BMP5: variants seen among roughly 807,000 people sequenced by gnomAD.
BMP5 encodes bone morphogenetic protein 5.
In BMP5, 23 loss-of-function variants were observed where a neutral mutation model predicts 46.6. The observed-to-expected ratio is 0.49, with a 90% CI of 0.35 to 0.70. The LOEUF (loss-of-function observed/expected upper bound fraction) is 0.70, where lower values mean the gene tolerates loss of function less well. BMP5 is among the 30% of genes least tolerant of loss of function. BMP5 has a pLI of 0.00. For missense variants in BMP5, 545 were observed against 565.6 expected (o/e 0.96, Z 0.37); for synonymous variants, 204 against 191.9 (o/e 1.06, Z -0.52).
intron 1 of BMP5, among the ~76,000 whole-genome samples, chr6:55,832,329 C>T (rs1188029509): frequency 2.6e-5 from 4 of 152,184 alleles, no homozygotes. Flanking sequence ...CACCTCCCCT[C>T]ACCATGTTTC....
intron 2 of BMP5, among the ~76,000 whole-genome samples, chr6:55,812,964 T>C (rs1239934677): frequency 6.6e-6 from 1 of 152,108 alleles, no homozygotes; most frequent in Non-Finnish European, 1.5e-5. Context: ...TTCCAAAAAA[T>C]ATTTACTCTT....
At chr6:55,764,381 G>A (rs1774865606) in intron 4 of BMP5, among the ~76,000 whole-genome samples, 1 of 152,174 alleles carries the variant, frequency 6.6e-6, no homozygotes, top group South Asian at 2.1e-4. Flanking sequence ...ACACCATTCT[G>A]GCTAACACGG....
intron 1 of BMP5, among the ~76,000 whole-genome samples, chr6:55,859,840 A>G (rs1264674586): frequency 1.3e-5 from 2 of 152,254 alleles, no homozygotes; most frequent in East Asian, 1.9e-4. Context: ...TGTAACTTAT[A>G]TCCTCCTTGC....
In BMP5 at chr6:55,852,016, C is replaced by G. The variant is rs530052832; in HGVS notation, c.490+22360G>C. On this transcript the variant is annotated intron_variant, in intron 1 of 6. Transcript: ENST00000370830. Reference sequence around the variant, plus strand: ...AGCCCAAATTTTCATGCCTCCTATTCTATCCCCCCAAAGTATTGTTTTTAT... The same window carrying G: ...AGCCCAAATTTTCATGCCTCCTATTGTATCCCCCCAAAGTATTGTTTTTAT... Among the ~76,000 whole-genome samples the G allele has an allele frequency of 5.3e-5, 8 of 152,222 alleles. No individual in the cohort carries two copies. The South Asian group carries it at 1.0e-3, about 20-fold the overall frequency.
At chr6:55,863,093 G>T (rs1358826049) in intron 1 of BMP5, among the ~76,000 whole-genome samples, 1 of 152,090 alleles carries the variant, frequency 6.6e-6, no homozygotes, top group African/African-American at 2.4e-5. Context: ...ACAGTGTCTG[G>T]CCCAATAGTA....
chr6:55,774,022 A>G (rs1775108313), intron 4 of BMP5, 27 bp downstream of exon 4: 1 of 1,609,452 alleles, frequency 6.2e-7, no homozygotes. Context: ...CTCTCTGTGC[A>G]TAACTGCTGC....
chr6:55,812,871 A>C (rs911344146), intron 2 of BMP5, among the ~76,000 whole-genome samples: 1 of 152,206 alleles, frequency 6.6e-6, no homozygotes, highest in Non-Finnish European at 1.5e-5. Context: ...AACTGTGATC[A>C]TGTGATATGT....
chr6:55,778,395 A>G (rs1213939623), intron 3 of BMP5, among the ~76,000 whole-genome samples: 1 of 152,030 alleles, frequency 6.6e-6, no homozygotes, highest in East Asian at 1.9e-4. Context: ...GGTGGCAGTT[A>G]GACCCAAAGA....
At chr6:55,773,547 T>TTATC (rs10645241) in intron 4 of BMP5, among the ~76,000 whole-genome samples, 132,200 of 151,438 alleles carry the variant, frequency 0.87, 57,882 homozygotes, top group African/African-American at 0.94. Flanking sequence ...CTGAAGAAAA[T>TTATC]TAGATAATAG....
chr6:55,806,964 TG>T (rs1245287576), intron 2 of BMP5, among the ~76,000 whole-genome samples: 1 of 152,172 alleles, frequency 6.6e-6, no homozygotes, highest in Non-Finnish European at 1.5e-5. Flanking sequence ...TTAAGGAGTT[TG>T]GGGGCTGAGA....
intron 1 of BMP5, among the ~76,000 whole-genome samples, chr6:55,861,726 T>G (rs998354418): frequency 1.3e-5 from 2 of 152,238 alleles, no homozygotes; most frequent in African/African-American, 4.8e-5. Flanking sequence ...CTAAAATATT[T>G]TTATTTCATT....
At chr6:55,795,873 T>C (rs551424628) in intron 2 of BMP5, among the ~76,000 whole-genome samples, 1 of 152,346 alleles carries the variant, frequency 6.6e-6, no homozygotes, top group South Asian at 2.1e-4. Context: ...TGCAGACTTA[T>C]AACAAGCATA....
At chr6:55,773,073 A>T (rs1775084492) in intron 4 of BMP5, among the ~76,000 whole-genome samples, 1 of 151,860 alleles carries the variant, frequency 6.6e-6, no homozygotes, top group Non-Finnish European at 1.5e-5. Context: ...TTGAAGTTAG[A>T]ATTTCAATTT....
intron 1 of BMP5, among the ~76,000 whole-genome samples, chr6:55,855,140 G>A (rs904593454): frequency 1.8e-4 from 27 of 151,968 alleles, no homozygotes; most frequent in Admixed American, 1.6e-3. Context: ...GGGACATCTC[G>A]ATAAGATTTT....
intron 2 of BMP5, among the ~76,000 whole-genome samples, chr6:55,797,838 G>T (rs112628298): frequency 0.023 from 3,477 of 151,934 alleles, 138 homozygotes; most frequent in African/African-American, 0.08. Context: ...GGATGGTCTC[G>T]ATCTCCTGAC....
At chr6:55,858,301 T>G (rs1337700232) in intron 1 of BMP5, among the ~76,000 whole-genome samples, 1 of 152,224 alleles carries the variant, frequency 6.6e-6, no homozygotes, top group Non-Finnish European at 1.5e-5. Context: ...AATAGAATGT[T>G]GACGGTATGT....
chr6:55,862,900 C>A (rs865862393), intron 1 of BMP5, among the ~76,000 whole-genome samples: 3 of 152,022 alleles, frequency 2.0e-5, no homozygotes, highest in South Asian at 2.1e-4. Context: ...AAAAAAAATT[C>A]TTTAAAGGGA....
chr6:55,781,393 C>A (rs551128023), intron 3 of BMP5, among the ~76,000 whole-genome samples: 2 of 152,122 alleles, frequency 1.3e-5, no homozygotes, highest in South Asian at 2.1e-4. Flanking sequence ...CAGAAATCAA[C>A]CAAAAACTTT....
At chr6:55,825,530 ACT>A (rs1222804265) in intron 1 of BMP5, among the ~76,000 whole-genome samples, 1 of 151,700 alleles carries the variant, frequency 6.6e-6, no homozygotes, top group Admixed American at 6.6e-5. Context: ...CAAAGGTTAA[ACT>A]CTGTTTAAAA....
Sources: gnomAD v4.1 joint callset for allele counts (sites outside exome capture counted in the v4.1 genomes callset) on GRCh38, gnomAD v4.1.1 for gene constraint, MANE v1.5 for transcripts, NCBI Gene and HGNC (gene_info 2026-07-23, HGNC 2026-07-21) for gene names.